Variants in SMC6 observed in about 807,000 individuals in gnomAD.
SMC6 encodes structural maintenance of chromosomes protein 6.
Under a neutral mutation model 142.2 loss-of-function variants are expected in SMC6, and 79 were observed. That is an observed-to-expected ratio of 0.56 (90% CI 0.46 to 0.67). SMC6 has a LOEUF of 0.67. Ranked by LOEUF, SMC6 falls within the 30% of genes least tolerant of loss-of-function variation. The probability of loss-of-function intolerance (pLI) is 0.00; values close to 1 mark genes in which losing one functional copy is unlikely to be tolerated. For missense variants in SMC6, 1,072 were observed against 1,284.0 expected (o/e 0.83, Z 2.52); for synonymous variants, 411 against 412.4 (o/e 1.00, Z 0.04).
chr2:17,716,098 C>T lies in SMC6; in HGVS notation c.1513G>A (p.Val505Ile), dbSNP rs1048838642. Residue 505 changes from valine (V) to isoleucine (I), a missense_variant, in exon 15 of 28, where the codon GTA becomes ATA. Transcript: ENST00000448223. ...TTAAGACAAATACCTAAAGGGCCTA[C>T]AGGTTTATAGGTAAAATGTCCTTGT... is the stretch of plus-strand genomic sequence containing the variant. The part of the protein sequence containing the change: ...YRQGHFTYKP[V>I]GPLGACIHLR... 1 of 1,569,470 alleles carries T rather than the reference C, an allele frequency of 6.4e-7. No homozygotes were observed. Among genetic ancestry groups the T allele is most frequent in the African/African-American group, 1.4e-5 (1 of 71,866 alleles).
chr2:17,715,841 T>G (rs1669058623), intron 15 of SMC6, among the ~76,000 whole-genome samples: 1 of 152,178 alleles, frequency 6.6e-6, no homozygotes, highest in African/African-American at 2.4e-5. Context: ...CATTTACTTA[T>G]TCATTCATTT....
chr2:17,716,765 T>C lies in SMC6; in HGVS notation c.1322A>G (p.Asp441Gly). 1 of 1,611,452 alleles carries C rather than the reference T, an allele frequency of 6.2e-7. No homozygotes were observed. The highest frequency in any genetic ancestry group is 8.5e-7 in the Non-Finnish European group (1 of 1,179,342). ...CTTAATTTTGCCATGTTCTTCTTTGTCCTTTTCTATGGCTTGCTGAAACTG... is the reference window on the plus strand; with the variant it reads ...CTTAATTTTGCCATGTTCTTCTTTGCCCTTTTCTATGGCTTGCTGAAACTG... The part of the protein sequence containing the change: ...IEQFQQAIEK[D>G]KEEHGKIKRE... Residue 441 changes from aspartate (D) to glycine (G), a missense_variant, in exon 14 of 28, where the codon GAC becomes GGC. By Grantham distance (94) the Asp-to-Gly change is moderately conservative. Transcript: ENST00000448223.
rs755873189 is a variant in SMC6, at chr2:17,718,203, T to C, written c.966A>G (p.Glu322=). Residue 322 remains glutamate, a synonymous_variant, in exon 12 of 28, where the codon GAA becomes GAG. Transcript: ENST00000448223. ...TGTCTTGAATATCCTTGTACTTTTGTTCTGCCTCATTAAGTCTGACCTTTA... is the reference window on the plus strand; with the variant it reads ...TGTCTTGAATATCCTTGTACTTTTGCTCTGCCTCATTAAGTCTGACCTTTA... ...EEQQVRLNEA[E]QKYKDIQDKL... 2 of 1,603,990 alleles carry C rather than the reference T, an allele frequency of 1.2e-6. No individual in the cohort carries two copies. The highest frequency in any genetic ancestry group is 1.7e-6 in the Non-Finnish European group (2 of 1,174,974).
chr2:17,676,151 C>T (rs1200607792), intron 25 of SMC6, among the ~76,000 whole-genome samples: 1 of 152,142 alleles, frequency 6.6e-6, no homozygotes, highest in East Asian at 1.9e-4. Context: ...TTCTTAATTT[C>T]AGATGCTGCA....
At chr2:17,708,314 A>G (rs1295727697) in intron 17 of SMC6, among the ~76,000 whole-genome samples, 1 of 152,120 alleles carries the variant, frequency 6.6e-6, no homozygotes, top group Admixed American at 6.6e-5. Flanking sequence ...TAATACAGAT[A>G]TCTGTAAGGG....
chr2:17,666,567 CTGT>C lies in SMC6; in HGVS notation c.3064-53_3064-51del. On this transcript the variant is annotated intron_variant, in intron 26 of 27. Coordinates refer to ENST00000448223, the MANE Select transcript of SMC6 (RefSeq NM_001142286.2). The stretch of plus-strand genomic sequence containing the variant: ...GATTGCTATTGTGTAAGTCACATTT[CTGT>C]AAAAGCAGCATTCTGTGGGCTGATA... 7 of 1,394,172 alleles carry C rather than the reference CTGT, an allele frequency of 5.0e-6. No homozygotes were observed. The South Asian group carries it at 8.2e-5, about 16-fold the overall frequency. The allele number at this position is 1,394,172 out of a possible 1,614,324, so 86.4% of individuals were successfully genotyped here.
chr2:17,728,209 G>A (rs1318808347), intron 7 of SMC6, among the ~76,000 whole-genome samples: 1 of 152,142 alleles, frequency 6.6e-6, no homozygotes, highest in Non-Finnish European at 1.5e-5. Flanking sequence ...GCTGAGGCAG[G>A]TGGACTGCTT....
rs34661130 is a variant in SMC6, at chr2:17,751,005, C to CAAAAA, written c.-6+1968_-6+1972dup. 4.6e-4 allele frequency among the ~76,000 whole-genome samples: 25 copies of CAAAAA among 53,782 alleles called. 1 individual carries two copies. The highest frequency in any genetic ancestry group is 5.6e-4 in the African/African-American group (7 of 12,458). 35.3% of individuals were successfully genotyped at this position (53,782 alleles called of 152,430 possible). ...GGACAACAAGAGTGAACAGCTGTCT[C>CAAAAA]AAAAAAAAAAAAAAAAAAAAAAAAG... On this transcript the variant is annotated intron_variant, in intron 2 of 27. Transcript: ENST00000448223.
chr2:17,700,192 T>A lies in SMC6; in HGVS notation c.2394+16A>T. On this transcript the variant is annotated intron_variant, in intron 21 of 27. Coordinates refer to ENST00000448223, the MANE Select transcript of SMC6 (RefSeq NM_001142286.2). ...AACATAAAATACATACGTAACACAG[T>A]ACCAAAAATATATACCTTAAGTGGG... is the stretch of plus-strand genomic sequence containing the variant. 6.4e-7 allele frequency: 1 copy of A among 1,551,226 alleles called. No individual in the cohort carries two copies. The highest frequency in any genetic ancestry group is 8.7e-7 in the Non-Finnish European group (1 of 1,143,708).
At chr2:17,749,811 TCCTATTAATA>T (rs1339702941) in intron 2 of SMC6, among the ~76,000 whole-genome samples, 1 of 152,232 alleles carries the variant, frequency 6.6e-6, no homozygotes, top group African/African-American at 2.4e-5. Flanking sequence ...AATTCATATT[TCCTATTAATA>T]CCAAATTAGG....
At chr2:17,717,231 C>T (rs1376027935) in intron 12 of SMC6, 55 bp from the exon 13 acceptor site, 6 of 1,311,042 alleles carry the variant, frequency 4.6e-6, no homozygotes, top group South Asian at 1.3e-5. Context: ...ATATCCCATT[C>T]ACGTCCACTT....
chr2:17,665,831 G>A (rs1666471664), intron 27 of SMC6, among the ~76,000 whole-genome samples: 2 of 152,132 alleles, frequency 1.3e-5, no homozygotes, highest in Non-Finnish European at 2.9e-5. Flanking sequence ...TGGGTTTTCA[G>A]TTTGGAGGAA....
At chr2:17,673,562 A>AT (rs1553308419) in intron 25 of SMC6, among the ~76,000 whole-genome samples, 5 of 149,162 alleles carry the variant, frequency 3.4e-5, no homozygotes, top group Admixed American at 6.7e-5. Flanking sequence ...TTAAAAAAAA[A>AT]TTTTTTTTTT....
At position 17,713,522 on chromosome 2, in the gene SMC6, C is replaced by T. The variant is rs1452351492; in HGVS notation, c.1730+1339G>A. On this transcript the variant is annotated intron_variant, in intron 16 of 27. Transcript: ENST00000448223. Reference sequence around the variant, plus strand: ...AGTGCCAGGCACTCTTCTTCAGAGTCTTTGTGTCAGTTCACAGAGCAGGCC... The same window carrying T: ...AGTGCCAGGCACTCTTCTTCAGAGTTTTTGTGTCAGTTCACAGAGCAGGCC... The T allele has an allele frequency of 1.7e-5, 8 of 471,050 alleles. 1 individual carries two copies. Among genetic ancestry groups the T allele is most frequent in the Admixed American group, 1.6e-4 (7 of 42,576 alleles). 29.2% of individuals were successfully genotyped at this position (471,050 alleles called of 1,614,324 possible).
At chr2:17,717,935 G>C (rs972847772) in intron 12 of SMC6, 142 bp downstream of exon 12, 6 of 782,190 alleles carry the variant, frequency 7.7e-6, no homozygotes, top group African/African-American at 3.6e-5. Flanking sequence ...ACAGTGAGCC[G>C]TGATGGCGCC....
intron 4 of SMC6, chr2:17,740,651 T>C: frequency 2.6e-6 from 1 of 391,370 alleles, no homozygotes; most frequent in Non-Finnish European, 5.0e-6. Context: ...GCTCAGGAGT[T>C]TGAGATCAGC....
At chr2:17,683,499 G>T in intron 24 of SMC6, 139 bp downstream of exon 24, 1 of 793,924 alleles carries the variant, frequency 1.3e-6, no homozygotes, top group Non-Finnish European at 1.9e-6. Context: ...GGAATTGTCT[G>T]ATTAAATTAG....
chr2:17,724,947 T>C (rs1669541001), intron 9 of SMC6, among the ~76,000 whole-genome samples: 1 of 152,226 alleles, frequency 6.6e-6, no homozygotes, highest in Non-Finnish European at 1.5e-5. Context: ...CTACTTAAAC[T>C]ACCATACCTT....
chr2:17,715,498 T>C (rs1669039404), intron 15 of SMC6, among the ~76,000 whole-genome samples: 1 of 151,952 alleles, frequency 6.6e-6, no homozygotes, highest in African/African-American at 2.4e-5. Flanking sequence ...GTATGTATCA[T>C]TTAAAAGAGA....
Sources: gnomAD v4.1 joint callset for allele counts (sites outside exome capture counted in the v4.1 genomes callset) on GRCh38, gnomAD v4.1.1 for gene constraint, MANE v1.5 for transcripts, NCBI Gene and HGNC (gene_info 2026-07-23, HGNC 2026-07-21) for gene names.